Variants in CBFB observed in about 807,000 individuals in gnomAD.
The protein encoded by CBFB is core-binding factor subunit beta.
Under a neutral mutation model 30.4 loss-of-function variants are expected in CBFB, and 9 were observed. The observed-to-expected ratio is 0.30, with a 90% CI of 0.18 to 0.52. The LOEUF (loss-of-function observed/expected upper bound fraction) is 0.52, where lower values mean the gene tolerates loss of function less well. CBFB is among the 20% of genes least tolerant of loss of function. The pLI, the probability that CBFB is intolerant of heterozygous loss-of-function variation, is 0.97. For missense variants in CBFB, 170 were observed against 244.0 expected (o/e 0.70, Z 2.02); for synonymous variants, 94 against 84.0 (o/e 1.12, Z -0.65).
chr16:67,042,548 C>G (rs917086923), intron 3 of CBFB, among the ~76,000 whole-genome samples: 28 of 152,302 alleles, frequency 1.8e-4, no homozygotes, highest in African/African-American at 6.5e-4. Flanking sequence ...TTGCAGGAAC[C>G]TGGGACTGAC....
intron 3 of CBFB, among the ~76,000 whole-genome samples, chr16:67,063,969 C>T (rs1460992282): frequency 1.3e-5 from 2 of 151,964 alleles, no homozygotes; most frequent in Non-Finnish European, 2.9e-5. Flanking sequence ...ATAAATAATG[C>T]CAGATTTTAG....
At chr16:67,029,967 A>G in intron 2 of CBFB, 154 bp downstream of exon 2, 1 of 491,760 alleles carries the variant, frequency 2.0e-6, no homozygotes, top group Non-Finnish European at 3.5e-6. Context: ...GCGAAACCAG[A>G]TGCCGCGGGC....
chr16:67,035,400 A>G (rs565699996), intron 2 of CBFB, among the ~76,000 whole-genome samples: 1 of 152,272 alleles, frequency 6.6e-6, no homozygotes, highest in African/African-American at 2.4e-5. Flanking sequence ...ATTTTTTAAA[A>G]TGATGTTGTA....
chr16:67,095,323 C>CCTGGCTAA (rs1307433742), intron 5 of CBFB, among the ~76,000 whole-genome samples: 3 of 151,194 alleles, frequency 2.0e-5, no homozygotes, highest in African/African-American at 7.3e-5. Context: ...TTGAGACCAT[C>CCTGGCTAA]CTGGCTAACA....
intron 3 of CBFB, among the ~76,000 whole-genome samples, chr16:67,050,495 A>T (rs1966721365): frequency 6.6e-6 from 1 of 152,034 alleles, no homozygotes; most frequent in Non-Finnish European, 1.5e-5. Flanking sequence ...AACCTTAACT[A>T]ATAATAAAGT....
intron 3 of CBFB, among the ~76,000 whole-genome samples, chr16:67,064,347 C>G (rs535648076): frequency 1.3e-5 from 2 of 152,290 alleles, no homozygotes; most frequent in South Asian, 4.1e-4. Flanking sequence ...CCTGGGATTA[C>G]AGGCACCCGC....
chr16:67,035,111 G>A (rs943635040), intron 2 of CBFB, among the ~76,000 whole-genome samples: 2 of 151,536 alleles, frequency 1.3e-5, no homozygotes, highest in African/African-American at 4.9e-5. Context: ...ATGGAGTCTC[G>A]CCTTGTTGTC....
intron 3 of CBFB, among the ~76,000 whole-genome samples, chr16:67,065,754 C>G (rs1961032973): frequency 6.6e-6 from 1 of 152,048 alleles, no homozygotes. Context: ...TTTGGGTTAA[C>G]TTACCAGTTT....
intron 2 of CBFB, among the ~76,000 whole-genome samples, chr16:67,034,173 C>T (rs1212774777): frequency 6.6e-6 from 1 of 152,008 alleles, no homozygotes; most frequent in African/African-American, 2.4e-5. Flanking sequence ...GAGACGTCTT[C>T]AACACTAATA....
chr16:67,080,281 G>C (rs1961519030), intron 4 of CBFB, among the ~76,000 whole-genome samples: 1 of 150,404 alleles, frequency 6.6e-6, no homozygotes, highest in Non-Finnish European at 1.5e-5. Flanking sequence ...AGCAAGGAGA[G>C]ACTGTTGAGG....
chr16:67,050,747 T>G (rs1342770086), intron 3 of CBFB, among the ~76,000 whole-genome samples: 1 of 152,074 alleles, frequency 6.6e-6, no homozygotes, highest in Non-Finnish European at 1.5e-5. Context: ...GAACTATGAT[T>G]GAGCCATGAC....
intron 3 of CBFB, among the ~76,000 whole-genome samples, chr16:67,060,707 C>T (rs1335627858): frequency 6.6e-6 from 1 of 152,066 alleles, no homozygotes; most frequent in East Asian, 1.9e-4. Flanking sequence ...AGGCATGTGC[C>T]ACCACGCCCA....
intron 3 of CBFB, among the ~76,000 whole-genome samples, chr16:67,037,162 G>T (rs968539643): frequency 2.6e-5 from 4 of 152,086 alleles, no homozygotes; most frequent in Non-Finnish European, 4.4e-5. Flanking sequence ...CTCCCAAAGT[G>T]TTGGGATTAC....
intron 3 of CBFB, among the ~76,000 whole-genome samples, chr16:67,055,165 CA>C (rs1218890691): frequency 6.6e-6 from 1 of 151,894 alleles, no homozygotes; most frequent in Non-Finnish European, 1.5e-5. Context: ...AAGAAAAATA[CA>C]GTGAAACCAA....
chr16:67,065,832 A>G (rs1050060760), intron 3 of CBFB, among the ~76,000 whole-genome samples: 4 of 152,220 alleles, frequency 2.6e-5, no homozygotes, highest in Non-Finnish European at 2.9e-5. Flanking sequence ...TATTTAAAAG[A>G]CTGATTCACC....
intron 3 of CBFB, among the ~76,000 whole-genome samples, chr16:67,044,968 G>A (rs1465867640): frequency 1.3e-5 from 2 of 152,072 alleles, no homozygotes; most frequent in Admixed American, 1.3e-4. Flanking sequence ...ACTAAAATAT[G>A]AATTGACAGC....
intron 5 of CBFB, among the ~76,000 whole-genome samples, chr16:67,094,510 C>T (rs1961983903): frequency 6.6e-6 from 1 of 152,090 alleles, no homozygotes; most frequent in South Asian, 2.1e-4. Flanking sequence ...TTGGAGTAAT[C>T]CCATTATTAT....
intron 3 of CBFB, among the ~76,000 whole-genome samples, chr16:67,050,255 TTA>T (rs938069114): frequency 6.8e-6 from 1 of 147,658 alleles, no homozygotes; most frequent in South Asian, 2.1e-4. Flanking sequence ...ATCACATAAA[TTA>T]TATATAATAT....
chr16:67,055,357 C>CTTTTTTTTTTTTTTTTTTTTTTTT (rs1163773529), intron 3 of CBFB, among the ~76,000 whole-genome samples: 2 of 81,474 alleles, frequency 2.5e-5, no homozygotes, highest in African/African-American at 5.4e-5. Flanking sequence ...CAGACACTTT[C>CTTTTTTTTTTTTTTTTTTTTTTTT]TTTTTTTTTT....
Sources: gnomAD v4.1 joint callset for allele counts (sites outside exome capture counted in the v4.1 genomes callset) on GRCh38, gnomAD v4.1.1 for gene constraint, MANE v1.5 for transcripts, NCBI Gene and HGNC (gene_info 2026-07-23, HGNC 2026-07-21) for gene names.